The following CDH10 variants were observed in gnomAD, a reference collection of about 807,000 sequenced individuals.
CDH10 encodes cadherin-10.
Under a neutral mutation model 73.1 loss-of-function variants are expected in CDH10, and 30 were observed. The ratio of observed to expected loss-of-function variants is 0.41; its 90% confidence interval spans 0.31 to 0.56. CDH10 has a LOEUF of 0.56. Among genes scored for constraint, CDH10 ranks in the 20% least tolerant of loss-of-function variants. The probability of loss-of-function intolerance (pLI) is 0.27; values close to 1 mark genes in which losing one functional copy is unlikely to be tolerated. For synonymous variants in CDH10, 345 were observed against 348.2 expected, an observed-to-expected ratio of 0.99 and a Z score of 0.10; for missense variants, 815 against 973.7, an observed-to-expected ratio of 0.84 and a Z score of 2.17.
At chr5:24,573,911 T>G (rs1018264154) in intron 2 of CDH10, among the ~76,000 whole-genome samples, 1 of 150,164 alleles carries the variant, frequency 6.7e-6, no homozygotes, top group Admixed American at 6.7e-5. Context: ...TTGAGACGGA[T>G]TCTCTCTCTG....
chr5:24,563,968 T>C (rs1334232926), intron 2 of CDH10, among the ~76,000 whole-genome samples: 2 of 152,198 alleles, frequency 1.3e-5, no homozygotes, highest in Non-Finnish European at 2.9e-5. Flanking sequence ...CTGAATACTT[T>C]AGACAGGTTC....
chr5:24,537,212 C>T (rs1486285381), intron 3 of CDH10, among the ~76,000 whole-genome samples, 168 bp downstream of exon 3: 1 of 151,386 alleles, frequency 6.6e-6, no homozygotes, highest in African/African-American at 2.4e-5. Context: ...GTGTAAATTG[C>T]ATTGATCTTT....
chr5:24,579,238 C>T (rs1384927297), intron 2 of CDH10, among the ~76,000 whole-genome samples: 1 of 151,724 alleles, frequency 6.6e-6, no homozygotes, highest in Non-Finnish European at 1.5e-5. Flanking sequence ...AAATGGTAAA[C>T]ATTTTCTCTG....
At chr5:24,592,381 T>C (rs538658244) in intron 2 of CDH10, among the ~76,000 whole-genome samples, 1 of 151,956 alleles carries the variant, frequency 6.6e-6, no homozygotes, top group East Asian at 1.9e-4. Context: ...TCTACTTAAT[T>C]TCCTTTTATT....
intron 9 of CDH10, among the ~76,000 whole-genome samples, chr5:24,495,756 A>G (rs1462702725): frequency 1.3e-5 from 2 of 151,908 alleles, no homozygotes; most frequent in Admixed American, 1.3e-4. Flanking sequence ...CTGAGGCAGG[A>G]GAATCACTTG....
At chr5:24,585,218 C>T (rs1745950907) in intron 2 of CDH10, among the ~76,000 whole-genome samples, 1 of 152,054 alleles carries the variant, frequency 6.6e-6, no homozygotes, top group African/African-American at 2.4e-5. Context: ...TAGCTCAAAG[C>T]CATCTTATTC....
At chr5:24,575,470 A>G (rs573467610) in intron 2 of CDH10, among the ~76,000 whole-genome samples, 9 of 152,198 alleles carry the variant, frequency 5.9e-5, no homozygotes, top group Admixed American at 2.0e-4. Context: ...ACTTTACCTA[A>G]AAATCAACTT....
At chr5:24,572,017 A>C (rs910486021) in intron 2 of CDH10, among the ~76,000 whole-genome samples, 3 of 152,260 alleles carry the variant, frequency 2.0e-5, no homozygotes, top group African/African-American at 7.2e-5. Context: ...ATTTATGTAA[A>C]ATTTTTCTGG....
intron 1 of CDH10, among the ~76,000 whole-genome samples, chr5:24,621,403 T>C (rs751050592): frequency 1.3e-5 from 2 of 152,146 alleles, no homozygotes; most frequent in Admixed American, 1.3e-4. Flanking sequence ...TCCATTTTAG[T>C]GGAAAGATTC....
intron 2 of CDH10, among the ~76,000 whole-genome samples, chr5:24,560,741 A>C (rs1464685974): frequency 6.6e-6 from 1 of 152,144 alleles, no homozygotes; most frequent in Non-Finnish European, 1.5e-5. Flanking sequence ...AATGGTTGTC[A>C]GTGTATTTTT....
chr5:24,530,802 A>G (rs949762377), intron 5 of CDH10, among the ~76,000 whole-genome samples: 9 of 152,068 alleles, frequency 5.9e-5, no homozygotes, highest in African/African-American at 2.2e-4. Context: ...GTGCATCCCT[A>G]CCTTCTAAGC....
At chr5:24,584,330 C>T (rs910617937) in intron 2 of CDH10, among the ~76,000 whole-genome samples, 2 of 149,142 alleles carry the variant, frequency 1.3e-5, no homozygotes, top group African/African-American at 2.5e-5. Flanking sequence ...ATTAGCATGT[C>T]TTTTTTTTCT....
intron 1 of CDH10, among the ~76,000 whole-genome samples, chr5:24,603,838 G>GA (rs544095587): frequency 1.3e-3 from 199 of 151,862 alleles, no homozygotes; most frequent in African/African-American, 4.7e-3. Flanking sequence ...GTGAGGCAAA[G>GA]AAAAAAGAAA....
chr5:24,603,015 A>T (rs1209979738), intron 1 of CDH10, among the ~76,000 whole-genome samples: 1 of 152,164 alleles, frequency 6.6e-6, no homozygotes, highest in African/African-American at 2.4e-5. Context: ...TTATCTTGGG[A>T]TTACAGTGGC....
intron 9 of CDH10, among the ~76,000 whole-genome samples, chr5:24,497,994 C>T (rs1742352806): frequency 6.6e-6 from 1 of 152,178 alleles, no homozygotes; most frequent in Non-Finnish European, 1.5e-5. Flanking sequence ...ATTAAATATT[C>T]TGCTGCTCCC....
intron 2 of CDH10, among the ~76,000 whole-genome samples, chr5:24,554,930 T>C (rs1744712900): frequency 6.6e-6 from 1 of 152,118 alleles, no homozygotes; most frequent in African/African-American, 2.4e-5. Flanking sequence ...TAATCTTTAT[T>C]TGCTTCTTGC....
chr5:24,628,668 C>A (rs1440961500), intron 1 of CDH10, among the ~76,000 whole-genome samples: 1 of 152,076 alleles, frequency 6.6e-6, no homozygotes, highest in Admixed American at 6.6e-5. Context: ...TAAACTTTTT[C>A]ATTATGTCTG....
chr5:24,541,173 G>C (rs1004649855), intron 2 of CDH10, among the ~76,000 whole-genome samples: 4 of 151,914 alleles, frequency 2.6e-5, no homozygotes, highest in African/African-American at 9.7e-5. Context: ...AGTAATAACA[G>C]GTCTATTGAT....
rs1001176198 is a variant in CDH10 at position 24,531,333 on chromosome 5, T to C, written c.814+3779A>G. ...TATGTATGATTTGTCTCCCCTGCTTTAATGAAAGGCAATAGGGATACAAAC... is the reference window on the plus strand; with the variant it reads ...TATGTATGATTTGTCTCCCCTGCTTCAATGAAAGGCAATAGGGATACAAAC... On this transcript the variant is annotated intron_variant, in intron 5 of 11. Transcript: ENST00000264463. 6.4e-4 allele frequency among the ~76,000 whole-genome samples: 97 copies of C among 152,212 alleles called. 2 individuals are homozygous for C. Among genetic ancestry groups the C allele is most frequent in the South Asian group, 8.3e-4 (4 of 4,832 alleles).
Sources: gnomAD v4.1 joint callset for allele counts (sites outside exome capture counted in the v4.1 genomes callset) on GRCh38, gnomAD v4.1.1 for gene constraint, MANE v1.5 for transcripts, NCBI Gene and HGNC (gene_info 2026-07-23, HGNC 2026-07-21) for gene names.